The following SLC16A12 variants were observed in gnomAD, a reference collection of about 807,000 sequenced individuals.
The protein encoded by SLC16A12 is solute carrier family 16 member 12.
SLC16A12 carries 17 observed loss-of-function variants against 42.4 expected under a neutral mutation model. The observed-to-expected ratio is 0.40, with a 90% CI of 0.27 to 0.60. The LOEUF is 0.60. SLC16A12 is among the 20% of genes least tolerant of loss of function. The pLI, the probability that SLC16A12 is intolerant of heterozygous loss-of-function variation, is 0.42. For synonymous variants in SLC16A12, 224 were observed against 229.4 expected, an observed-to-expected ratio of 0.98 and a Z score of 0.21; for missense variants, 544 against 623.0, an observed-to-expected ratio of 0.87 and a Z score of 1.35.
intron 2 of SLC16A12, among the ~76,000 whole-genome samples, chr10:89,533,463 A>G (rs1316824368): frequency 1.3e-5 from 2 of 152,254 alleles, no homozygotes; most frequent in African/African-American, 4.8e-5. Context: ...AGTGCAATGC[A>G]ATGTTAAATA....
chr10:89,510,621 TA>T (rs1843148083), intron 2 of SLC16A12, among the ~76,000 whole-genome samples: 1 of 152,086 alleles, frequency 6.6e-6, no homozygotes, highest in Non-Finnish European at 1.5e-5. Context: ...CTTAAAACCA[TA>T]AAAACCCTAG....
intron 3 of SLC16A12, among the ~76,000 whole-genome samples, chr10:89,446,675 C>T (rs1445257684): frequency 3.3e-5 from 5 of 152,258 alleles, no homozygotes; most frequent in Middle Eastern, 3.4e-3. Context: ...TAAAGACCAT[C>T]GATGCTAGGA....
chr10:89,510,185 A>G lies in SLC16A12; in HGVS notation c.-47+24316T>C, dbSNP rs1156901417. Among the ~76,000 whole-genome samples the G allele has an allele frequency of 4.6e-5, 7 of 152,360 alleles. No individual in the cohort carries two copies. The East Asian group carries it at 1.3e-3, about 29-fold the overall frequency. On this transcript the variant is annotated intron_variant, in intron 2 of 7. Transcript: ENST00000371790. ...CAAAGTAATTTATAGAGTCAATGCT[A>G]TCCCCATCAAGCTACCACTGACTTT...
At position 89,548,526 on chromosome 10, in the gene SLC16A12, C is replaced by A. The variant is rs574770954; in HGVS notation, c.-47+7356G>T. Among the ~76,000 whole-genome samples the A allele has an allele frequency of 5.8e-4, 88 of 151,984 alleles. No individual in the cohort carries two copies. The Middle Eastern group carries it at 0.01, about 18-fold the overall frequency. ...TCTAGTAGGAGAAATAAAAAAAAAA[C>A]GCAGTCGCGACTGGGCAGAGTGGCT... On this transcript the variant is annotated intron_variant, in intron 2 of 2. Transcript: ENST00000475682.
chr10:89,495,592 C>T (rs544257669), intron 2 of SLC16A12, among the ~76,000 whole-genome samples: 3 of 152,188 alleles, frequency 2.0e-5, no homozygotes, highest in South Asian at 2.1e-4. Context: ...ACACCTAACC[C>T]ACTGACCATC....
At chr10:89,511,511 A>G (rs1274564252) in intron 2 of SLC16A12, among the ~76,000 whole-genome samples, 1 of 152,200 alleles carries the variant, frequency 6.6e-6, no homozygotes, top group Non-Finnish European at 1.5e-5. Flanking sequence ...GTTCTCACTC[A>G]TAAGTGGGAG....
At chr10:89,544,982 T>A (rs185210368) in intron 2 of SLC16A12, among the ~76,000 whole-genome samples, 23 of 152,272 alleles carry the variant, frequency 1.5e-4, no homozygotes, top group African/African-American at 5.3e-4. Flanking sequence ...GGAAGAGAAA[T>A]GATAGTGGGC....
At chr10:89,480,284 T>C (rs1272038627) in intron 2 of SLC16A12, among the ~76,000 whole-genome samples, 1 of 152,226 alleles carries the variant, frequency 6.6e-6, no homozygotes, top group Non-Finnish European at 1.5e-5. Context: ...TTGGAAACTC[T>C]ACTCTGATAA....
intron 2 of SLC16A12, among the ~76,000 whole-genome samples, chr10:89,489,665 T>G (rs968702344): frequency 6.6e-6 from 1 of 152,146 alleles, no homozygotes; most frequent in Non-Finnish European, 1.5e-5. Flanking sequence ...TTAAATGAGA[T>G]CTTAAAAACT....
intron 2 of SLC16A12, among the ~76,000 whole-genome samples, chr10:89,550,829 C>G (rs908266108): frequency 3.9e-5 from 6 of 152,192 alleles, no homozygotes; most frequent in African/African-American, 1.4e-4. Context: ...AATGTCACCT[C>G]CCCCAGGGGT....
intron 2 of SLC16A12, among the ~76,000 whole-genome samples, chr10:89,482,367 T>C (rs1430279315): frequency 6.6e-6 from 1 of 152,210 alleles, no homozygotes; most frequent in Non-Finnish European, 1.5e-5. Flanking sequence ...TACAATGTAC[T>C]CTACACTAAC....
chr10:89,458,461 A>G (rs1412057690), intron 3 of SLC16A12, among the ~76,000 whole-genome samples: 6 of 152,196 alleles, frequency 3.9e-5, no homozygotes, highest in Non-Finnish European at 8.8e-5. Context: ...AGAGGACTTA[A>G]GAGTTAAGCT....
At position 89,441,108 on chromosome 10, in the gene SLC16A12, C is replaced by T. The variant is rs1438768378; in HGVS notation, c.448G>A (p.Gly150Ser). ...GACAGGTGGTACAAAGTGCCCTTACCTGTAAGAACTCCCAGAGTGAGGTAG... is the reference window on the plus strand; with the variant it reads ...GACAGGTGGTACAAAGTGCCCTTACTTGTAAGAACTCCCAGAGTGAGGTAG... The part of the protein sequence containing the change: ...HLYLTLGVLT[G>S]LGFALCYSPA... Residue 150 changes from glycine (G) to serine (S), a missense_variant and splice_region_variant, in exon 5 of 8, where the codon GGT becomes AGT. Gly to Ser is a moderately conservative substitution (Grantham distance 56). Transcript: ENST00000371790. The T allele has an allele frequency of 6.2e-7, 1 of 1,613,832 alleles. No homozygotes were observed. Among genetic ancestry groups the T allele is most frequent in the Non-Finnish European group, 8.5e-7 (1 of 1,179,812 alleles).
chr10:89,495,798 G>A (rs945000969), intron 2 of SLC16A12, among the ~76,000 whole-genome samples: 3 of 152,178 alleles, frequency 2.0e-5, no homozygotes, highest in African/African-American at 7.2e-5. Context: ...GTGGCTTGCT[G>A]CCTCTGACCA....
chr10:89,536,483 G>A (rs1243280750), upstream of SLC16A12, among the ~76,000 whole-genome samples: 1 of 152,044 alleles, frequency 6.6e-6, no homozygotes, highest in Non-Finnish European at 1.5e-5. Flanking sequence ...AAATGAGTGA[G>A]GTGTAGGCGC....
At chr10:89,554,868 T>C (rs1187402188) in intron 2 of SLC16A12, among the ~76,000 whole-genome samples, 1 of 152,190 alleles carries the variant, frequency 6.6e-6, no homozygotes. Context: ...AGATAATGTC[T>C]AAGTCCCCTT....
At chr10:89,469,878 A>C (rs1250697700) in intron 2 of SLC16A12, among the ~76,000 whole-genome samples, 1 of 152,230 alleles carries the variant, frequency 6.6e-6, no homozygotes, top group Non-Finnish European at 1.5e-5. Context: ...AGTAAACTCT[A>C]ATTAACTTTA....
intron 2 of SLC16A12, among the ~76,000 whole-genome samples, chr10:89,497,082 A>T (rs303179): frequency 0.24 from 36,420 of 152,076 alleles, 5,005 homozygotes; most frequent in Non-Finnish European, 0.32. Flanking sequence ...TTAATAATAA[A>T]GTATCATTAT....
At position 89,432,882 on chromosome 10, in the gene SLC16A12, C is replaced by A; in HGVS notation, c.*182G>T. 1 of 827,384 alleles carries A rather than the reference C, an allele frequency of 1.2e-6. No individual in the cohort carries two copies. Among genetic ancestry groups the A allele is most frequent in the Non-Finnish European group, 1.8e-6 (1 of 554,144 alleles). The allele number at this position is 827,384 out of a possible 1,614,324, so 51.3% of individuals were successfully genotyped here. On this transcript the variant is annotated 3_prime_UTR_variant, in exon 8 of 8. Coordinates refer to ENST00000371790, the MANE Select transcript of SLC16A12 (RefSeq NM_213606.4). The stretch of plus-strand genomic sequence containing the variant: ...AAATCCCAAATGAGAAGGCTCTGGG[C>A]TAGTCCAGCTTTCCTTATTATGTGC...
Sources: allele counts gnomAD v4.1 joint callset (sites outside exome capture counted in the v4.1 genomes callset), GRCh38; gene constraint gnomAD v4.1.1; transcripts MANE v1.5; gene names NCBI Gene and HGNC (gene_info 2026-07-23, HGNC 2026-07-21).